The following ADGRB3 variants were observed in gnomAD, a reference collection of about 807,000 sequenced individuals.
ADGRB3 encodes the protein adhesion G protein-coupled receptor B3, also known as brain-specific angiogenesis inhibitor 3.
ADGRB3 carries 37 observed loss-of-function variants against 193.4 expected under a neutral mutation model. That is an observed-to-expected ratio of 0.19 (90% CI 0.15 to 0.25). ADGRB3 has a LOEUF of 0.25. Ranked by LOEUF, ADGRB3 falls within the 10% of genes least tolerant of loss-of-function variation. The pLI is 1.00. For missense variants in ADGRB3, 1,637 were observed against 1,852.9 expected, an observed-to-expected ratio of 0.88 and a Z score of 2.14; for synonymous variants, 690 against 644.2, an observed-to-expected ratio of 1.07 and a Z score of -1.08.
chr6:68,947,309 A>G (rs1398285733), intron 6 of ADGRB3, among the ~76,000 whole-genome samples: 2 of 151,948 alleles, frequency 1.3e-5, no homozygotes, highest in Non-Finnish European at 2.9e-5. Context: ...GGTCCAAACT[A>G]TGTTTTCTAT....
At chr6:68,641,044 C>T (rs952325589) in intron 3 of ADGRB3, among the ~76,000 whole-genome samples, 3 of 152,010 alleles carry the variant, frequency 2.0e-5, no homozygotes, top group South Asian at 2.1e-4. Flanking sequence ...AATTAGTGTC[C>T]CCTAGAATAA....
intron 3 of ADGRB3, among the ~76,000 whole-genome samples, chr6:68,662,125 A>G (rs2253759): frequency 0.51 from 77,222 of 151,126 alleles, 20,071 homozygotes; most frequent in Admixed American, 0.57. Context: ...TTGGCAGATA[A>G]TTAAATTGGC....
chr6:69,132,669 CT>C (rs1554151145), intron 17 of ADGRB3, among the ~76,000 whole-genome samples: 1 of 152,076 alleles, frequency 6.6e-6, no homozygotes, highest in Non-Finnish European at 1.5e-5. Flanking sequence ...GTTGCCATTG[CT>C]TTTGGAGTTT....
intron 3 of ADGRB3, among the ~76,000 whole-genome samples, chr6:68,847,772 T>C (rs989657093): frequency 1.2e-4 from 18 of 152,050 alleles, no homozygotes; most frequent in African/African-American, 4.1e-4. Context: ...GTTTTGTTGT[T>C]AAAAGAGGTG....
chr6:69,137,964 T>C (rs1774204308), intron 17 of ADGRB3, among the ~76,000 whole-genome samples: 1 of 152,232 alleles, frequency 6.6e-6, no homozygotes, highest in Admixed American at 6.5e-5. Flanking sequence ...TTGACACCTT[T>C]AGTATGTCTT....
intron 17 of ADGRB3, among the ~76,000 whole-genome samples, chr6:69,226,788 C>G (rs1303473734): frequency 6.6e-6 from 1 of 152,210 alleles, no homozygotes; most frequent in East Asian, 1.9e-4. Flanking sequence ...TGCGTATAAC[C>G]TCACTAACAT....
intron 17 of ADGRB3, among the ~76,000 whole-genome samples, chr6:69,112,387 T>G (rs551324875): frequency 6.6e-6 from 1 of 152,316 alleles, no homozygotes; most frequent in Non-Finnish European, 1.5e-5. Context: ...TGACCAAAAC[T>G]TAGTCAAAAT....
At chr6:69,278,201 T>G (rs933705281) in intron 20 of ADGRB3, among the ~76,000 whole-genome samples, 3 of 152,224 alleles carry the variant, frequency 2.0e-5, no homozygotes, top group African/African-American at 7.2e-5. Flanking sequence ...TTTAGCATTT[T>G]CAATACAACA....
chr6:68,694,194 G>T (rs750010929), intron 3 of ADGRB3, among the ~76,000 whole-genome samples: 5 of 151,996 alleles, frequency 3.3e-5, no homozygotes, highest in Non-Finnish European at 7.4e-5. Context: ...GCAAATTTAG[G>T]ACTGTTGACA....
chr6:69,246,104 T>C (rs1766493754), intron 20 of ADGRB3, among the ~76,000 whole-genome samples: 1 of 152,140 alleles, frequency 6.6e-6, no homozygotes, highest in Admixed American at 6.6e-5. Flanking sequence ...CCCCTGGATT[T>C]TAGTTAAGGA....
chr6:69,028,276 T>C (rs1770497502), intron 13 of ADGRB3, among the ~76,000 whole-genome samples: 1 of 152,238 alleles, frequency 6.6e-6, no homozygotes, highest in Admixed American at 6.5e-5. Flanking sequence ...CTCTTAAGGC[T>C]CAACCAAGTC....
At chr6:68,835,075 T>A (rs770099564) in intron 3 of ADGRB3, among the ~76,000 whole-genome samples, 4 of 152,060 alleles carry the variant, frequency 2.6e-5, no homozygotes. Context: ...TAGGAGAAAG[T>A]TTTTTTGTCA....
chr6:68,648,216 A>C (rs1234862797), intron 3 of ADGRB3, among the ~76,000 whole-genome samples: 6 of 152,118 alleles, frequency 3.9e-5, no homozygotes, highest in African/African-American at 1.4e-4. Flanking sequence ...ATTAACTCAA[A>C]ATTAACTGAA....
At chr6:69,372,355 A>G in intron 29 of ADGRB3, 51 bp from the exon 30 acceptor site, 1 of 1,088,744 alleles carries the variant, frequency 9.2e-7, no homozygotes, top group Non-Finnish European at 1.3e-6. Flanking sequence ...TTGAATGACT[A>G]AACATAACTT....
intron 17 of ADGRB3, chr6:69,233,016 A>G (rs1001368307): frequency 8.7e-6 from 4 of 461,042 alleles, no homozygotes; most frequent in Middle Eastern, 5.7e-4. Flanking sequence ...TGTTCCTCGC[A>G]TAGGGCTGGA....
chr6:68,873,649 C>T (rs1434465732), intron 3 of ADGRB3, among the ~76,000 whole-genome samples: 3 of 152,166 alleles, frequency 2.0e-5, no homozygotes, highest in Admixed American at 1.3e-4. Flanking sequence ...TAATATGTAA[C>T]ATTCAACCTT....
chr6:68,874,458 G>C (rs1052133304), intron 3 of ADGRB3, among the ~76,000 whole-genome samples: 1 of 152,114 alleles, frequency 6.6e-6, no homozygotes, highest in Non-Finnish European at 1.5e-5. Flanking sequence ...AGGGCATTTA[G>C]TGTGGCTGAC....
At chr6:68,906,913 T>G (rs1260431955) in intron 3 of ADGRB3, among the ~76,000 whole-genome samples, 1 of 152,018 alleles carries the variant, frequency 6.6e-6, no homozygotes, top group East Asian at 1.9e-4. Flanking sequence ...CTATTAATAT[T>G]TGCTTCTGTA....
intron 3 of ADGRB3, among the ~76,000 whole-genome samples, 160 bp from the exon 4 acceptor site, chr6:68,930,399 A>T (rs1028136867): frequency 2.0e-5 from 3 of 151,906 alleles, no homozygotes; most frequent in Non-Finnish European, 4.4e-5. Context: ...TTCTGACTTG[A>T]GTTTAGAGAT....
Sources: gnomAD v4.1 joint callset for allele counts (sites outside exome capture counted in the v4.1 genomes callset) on GRCh38, gnomAD v4.1.1 for gene constraint, MANE v1.5 for transcripts, NCBI Gene and HGNC (gene_info 2026-07-23, HGNC 2026-07-21) for gene names.